The following MCTP1 variants were observed in gnomAD, a reference collection of about 807,000 sequenced individuals.
MCTP1 encodes multiple C2 and transmembrane domain-containing protein 1.
In MCTP1, 69 loss-of-function variants were observed where a neutral mutation model predicts 120.6. The ratio of observed to expected loss-of-function variants is 0.57; its 90% confidence interval spans 0.47 to 0.70. The LOEUF is 0.70. Ranked by LOEUF, MCTP1 falls within the 30% of genes least tolerant of loss-of-function variation. MCTP1 has a pLI of 0.00. For synonymous variants in MCTP1, 529 were observed against 493.1 expected (o/e 1.07, Z -0.96); for missense variants, 1,203 against 1,248.8 (o/e 0.96, Z 0.55).
intron 1 of MCTP1, among the ~76,000 whole-genome samples, chr5:95,027,846 GA>G (rs1839548603): frequency 6.6e-6 from 1 of 152,110 alleles, no homozygotes; most frequent in African/African-American, 2.4e-5. Context: ...GAACGAGACC[GA>G]GCAAAATAAG....
At chr5:94,963,275 G>A (rs1269454401) in intron 2 of MCTP1, among the ~76,000 whole-genome samples, 1 of 151,712 alleles carries the variant, frequency 6.6e-6, no homozygotes, top group Non-Finnish European at 1.5e-5. Flanking sequence ...TGGGAGTGCA[G>A]ATATCGCTAC....
At chr5:94,851,925 G>T (rs933404286) in intron 17 of MCTP1, among the ~76,000 whole-genome samples, 2 of 151,842 alleles carry the variant, frequency 1.3e-5, no homozygotes, top group Non-Finnish European at 2.9e-5. Context: ...GTCTCATGAA[G>T]AGTAAATGTT....
At chr5:95,207,309 G>A (rs898734187) in intron 1 of MCTP1, among the ~76,000 whole-genome samples, 7 of 152,172 alleles carry the variant, frequency 4.6e-5, no homozygotes, top group African/African-American at 1.4e-4. Flanking sequence ...TGGGACAGAG[G>A]AGGGACATGA....
chr5:95,039,264 C>T lies in MCTP1; in HGVS notation c.721-21780G>A, dbSNP rs372891127. 1.2e-4 allele frequency among the ~76,000 whole-genome samples: 19 copies of T among 152,252 alleles called. No individual in the cohort carries two copies. In the East Asian group the frequency reaches 2.7e-3, roughly 22 times the overall value. ...AGTATCTAATTGAGACTTTAAGACA[C>T]GTTCATAAAGGAAGTGCTTTAAAGG... On this transcript the variant is annotated intron_variant, in intron 1 of 22. Coordinates refer to ENST00000515393, the MANE Select transcript of MCTP1 (RefSeq NM_024717.7).
At chr5:94,897,257 A>G (rs1182894865) in intron 10 of MCTP1, among the ~76,000 whole-genome samples, 1 of 136,858 alleles carries the variant, frequency 7.3e-6, no homozygotes, top group African/African-American at 2.8e-5. Context: ...TATTTTTTGT[A>G]GAGATGGGGT....
intron 17 of MCTP1, among the ~76,000 whole-genome samples, chr5:94,808,964 C>G (rs1782905251): frequency 6.6e-6 from 1 of 152,016 alleles, no homozygotes; most frequent in Admixed American, 6.6e-5. Flanking sequence ...TATCTGAAAC[C>G]TAAAGTCTAC....
chr5:94,868,561 T>A (rs1680398131), intron 16 of MCTP1, 109 bp from the exon 17 acceptor site: 1 of 755,038 alleles, frequency 1.3e-6, no homozygotes, highest in African/African-American at 1.8e-5. Context: ...AGAAAGTTAA[T>A]AAAGTTACAA....
chr5:94,948,310 C>A (rs1819613729), intron 3 of MCTP1, among the ~76,000 whole-genome samples: 1 of 152,188 alleles, frequency 6.6e-6, no homozygotes, highest in Non-Finnish European at 1.5e-5. Context: ...GCATTTAGCA[C>A]TCTTCTCAGT....
At chr5:94,974,587 T>C (rs540029435) in intron 2 of MCTP1, among the ~76,000 whole-genome samples, 3 of 152,166 alleles carry the variant, frequency 2.0e-5, no homozygotes, top group African/African-American at 7.2e-5. Flanking sequence ...CAAAAAGTAG[T>C]AATTATTATT....
At chr5:94,754,919 T>C (rs1325608853) in intron 19 of MCTP1, among the ~76,000 whole-genome samples, 1 of 152,172 alleles carries the variant, frequency 6.6e-6, no homozygotes, top group Non-Finnish European at 1.5e-5. Context: ...CCTGTCTTTA[T>C]GTTCTTTCTG....
intron 6 of MCTP1, among the ~76,000 whole-genome samples, chr5:94,927,659 T>C (rs1813502859): frequency 6.6e-6 from 1 of 152,190 alleles, no homozygotes; most frequent in African/African-American, 2.4e-5. Context: ...TAGCTGACTG[T>C]GTGAGATACT....
chr5:94,947,081 A>G (rs1021788832), intron 3 of MCTP1, among the ~76,000 whole-genome samples: 14 of 152,176 alleles, frequency 9.2e-5, no homozygotes, highest in Non-Finnish European at 1.8e-4. Context: ...GCATCTCTGG[A>G]ATCTGCTTTT....
chr5:95,201,683 T>G (rs1172268439), intron 1 of MCTP1, among the ~76,000 whole-genome samples: 6 of 151,684 alleles, frequency 4.0e-5, no homozygotes, highest in Non-Finnish European at 7.4e-5. Flanking sequence ...TTTTGTATTT[T>G]TAGGAGAGAC....
chr5:94,920,230 TG>T (rs540240515), intron 7 of MCTP1, among the ~76,000 whole-genome samples: 4 of 150,468 alleles, frequency 2.7e-5, no homozygotes, highest in Admixed American at 2.7e-4. Context: ...AGCAATAATA[TG>T]GGAAAGGAAC....
At chr5:94,779,476 G>A (rs1031507394) in intron 18 of MCTP1, among the ~76,000 whole-genome samples, 12 of 152,034 alleles carry the variant, frequency 7.9e-5, no homozygotes, top group African/African-American at 2.9e-4. Context: ...CCCTTCTACC[G>A]ATTCTGCTGT....
chr5:95,094,749 C>T (rs1015700336), intron 1 of MCTP1, among the ~76,000 whole-genome samples: 10 of 152,094 alleles, frequency 6.6e-5, no homozygotes, highest in Non-Finnish European at 8.8e-5. Context: ...TGCTTTATCA[C>T]ATGAAAGCAT....
chr5:94,849,460 A>T (rs1793180225), intron 17 of MCTP1, among the ~76,000 whole-genome samples: 1 of 151,976 alleles, frequency 6.6e-6, no homozygotes, highest in Non-Finnish European at 1.5e-5. Flanking sequence ...ATTGTTTACC[A>T]TCTAACTCCT....
chr5:94,820,169 A>G (rs1344770011), intron 17 of MCTP1, among the ~76,000 whole-genome samples: 1 of 152,226 alleles, frequency 6.6e-6, no homozygotes, highest in Non-Finnish European at 1.5e-5. Context: ...TTATTGTCAC[A>G]AAATAGGTGT....
At chr5:95,017,943 T>C (rs2153668642) in intron 1 of MCTP1, among the ~76,000 whole-genome samples, 1 of 152,232 alleles carries the variant, frequency 6.6e-6, no homozygotes, top group African/African-American at 2.4e-5. Flanking sequence ...CTCATACCTA[T>C]GAATTAAGCA....
Sources: gnomAD v4.1 joint callset for allele counts (sites outside exome capture counted in the v4.1 genomes callset) on GRCh38, gnomAD v4.1.1 for gene constraint, MANE v1.5 for transcripts, NCBI Gene and HGNC (gene_info 2026-07-23, HGNC 2026-07-21) for gene names.